ZNF609: variants seen among roughly 807,000 people sequenced by gnomAD.
The protein encoded by ZNF609 is zinc finger protein 609.
Under a neutral mutation model 109.5 loss-of-function variants are expected in ZNF609, and 11 were observed. The ratio of observed to expected loss-of-function variants is 0.10; its 90% CI spans 0.06 to 0.17. The LOEUF (loss-of-function observed/expected upper bound fraction) is 0.17, where lower values mean the gene tolerates loss of function less well. ZNF609 is among the 10% of genes least tolerant of loss of function. ZNF609 has a pLI of 1.00. For missense variants in ZNF609, 1,559 were observed against 1,772.4 expected (o/e 0.88, Z 2.16); for synonymous variants, 646 against 662.0 (o/e 0.98, Z 0.37).
intron 2 of ZNF609, among the ~76,000 whole-genome samples, chr15:64,526,688 A>C (rs773627162): frequency 6.6e-6 from 1 of 152,058 alleles, no homozygotes; most frequent in African/African-American, 2.4e-5. Flanking sequence ...ATCACAGCTT[A>C]CTGCAATGGC....
At position 64,490,583 on chromosome 15, in the gene ZNF609, T is replaced by C. The variant is rs149073805; in HGVS notation, c.-127-8710T>C. 2.0e-3 allele frequency among the ~76,000 whole-genome samples: 299 copies of C among 152,148 alleles called. 5 individuals are homozygous for C. Among genetic ancestry groups the C allele is most frequent in the Admixed American group, 0.015 (236 of 15,272 alleles). ...GCCACCGTGCCCAGCCCCCAGCTAG[T>C]AGTTTTTTTTTAATTGTTTACCTCA... is the stretch of plus-strand genomic sequence containing the variant. On this transcript the variant is annotated intron_variant, in intron 1 of 9. Transcript: ENST00000326648.
intron 2 of ZNF609, among the ~76,000 whole-genome samples, chr15:64,514,641 CTT>C (rs749141532): frequency 4.2e-5 from 6 of 144,090 alleles, no homozygotes; most frequent in South Asian, 2.2e-4. Context: ...CTAAACTATG[CTT>C]TTTTTTTTTT....
chr15:64,643,971 G>T (rs1367760455), intron 3 of ZNF609, among the ~76,000 whole-genome samples: 1 of 151,928 alleles, frequency 6.6e-6, no homozygotes, highest in African/African-American at 2.4e-5. Flanking sequence ...GGACATGGTA[G>T]TATGTACCTG....
rs144956701 is a variant in ZNF609, at chr15:64,586,679, C to T, written c.748-36148C>T. On this transcript the variant is annotated intron_variant, in intron 2 of 9. Coordinates refer to ENST00000326648, the MANE Select transcript of ZNF609 (RefSeq NM_015042.2). ...CCCCCTCTGTCTGTGGAAAAATTGT[C>T]TTCCAGGAAACTGGGCCCTGGTGCC... Among the ~76,000 whole-genome samples, 647 of 152,064 alleles carry T rather than the reference C, an allele frequency of 4.3e-3. 6 individuals carry two copies. Among genetic ancestry groups the T allele is most frequent in the African/African-American group, 0.015 (617 of 41,452 alleles).
chr15:64,566,046 C>T (rs1567016247), intron 2 of ZNF609, among the ~76,000 whole-genome samples: 1 of 152,024 alleles, frequency 6.6e-6, no homozygotes, highest in African/African-American at 2.4e-5. Context: ...AACAAGGTCT[C>T]ACTGTGTGGG....
At chr15:64,634,419 C>A (rs1896138851) in intron 3 of ZNF609, among the ~76,000 whole-genome samples, 3 of 152,162 alleles carry the variant, frequency 2.0e-5, no homozygotes, top group African/African-American at 7.2e-5. Context: ...GGCTTTTATC[C>A]TTTTCACTAA....
At chr15:64,681,457 C>T in intron 9 of ZNF609, 70 bp downstream of exon 9, 2 of 1,343,394 alleles carry the variant, frequency 1.5e-6, no homozygotes, top group Non-Finnish European at 2.1e-6. Flanking sequence ...CACAGAATCC[C>T]TAGGTGAGAA....
chr15:64,666,142 T>A (rs993300670), intron 3 of ZNF609, among the ~76,000 whole-genome samples: 3 of 150,464 alleles, frequency 2.0e-5, no homozygotes, highest in Admixed American at 1.3e-4. Context: ...TACTGTAATC[T>A]CAGCACTTTG....
chr15:64,529,111 A>T, intron 2 of ZNF609: 1 of 811,104 alleles, frequency 1.2e-6, no homozygotes, highest in Non-Finnish European at 2.1e-6. Flanking sequence ...GGGGCCATTT[A>T]TAGTCTGGGT....
intron 2 of ZNF609, among the ~76,000 whole-genome samples, chr15:64,507,108 C>T (rs1450666510): frequency 6.6e-6 from 1 of 152,082 alleles, no homozygotes; most frequent in Non-Finnish European, 1.5e-5. Context: ...TCATATGAAT[C>T]GAGCTTCTTT....
chr15:64,646,264 TGGGA>T (rs1340592873), intron 3 of ZNF609, among the ~76,000 whole-genome samples: 1 of 151,784 alleles, frequency 6.6e-6, no homozygotes, highest in Non-Finnish European at 1.5e-5. Context: ...GAGGCTGAGA[TGGGA>T]GGATCACTTG....
chr15:64,476,072 T>A (rs1203089182), intron 1 of ZNF609, among the ~76,000 whole-genome samples: 2 of 152,156 alleles, frequency 1.3e-5, no homozygotes, highest in African/African-American at 4.8e-5. Flanking sequence ...ATAGAAAACT[T>A]GCAGCAAGGG....
Position 64,592,060 on chromosome 15 carries a change from C to G in ZNF609, c.748-30767C>G, listed in dbSNP as rs565598522. Among the ~76,000 whole-genome samples, 5 of 151,724 alleles carry G rather than the reference C, an allele frequency of 3.3e-5. No individual in the cohort carries two copies. In the East Asian group the frequency reaches 9.7e-4, roughly 29 times the overall value. ...CCTGTGGTCTCAGCTACTTGGCAGA[C>G]TGAGATAGATCACTGGATCACTGGA... On this transcript the variant is annotated intron_variant, in intron 2 of 9. Coordinates refer to ENST00000326648, the MANE Select transcript of ZNF609 (RefSeq NM_015042.2).
chr15:64,651,041 T>G (rs1896408551), intron 3 of ZNF609, among the ~76,000 whole-genome samples: 1 of 152,114 alleles, frequency 6.6e-6, no homozygotes, highest in African/African-American at 2.4e-5. Flanking sequence ...TTAGTAATAG[T>G]TTTGAGGCAA....
At chr15:64,531,290 T>C (rs906133284) in intron 2 of ZNF609, among the ~76,000 whole-genome samples, 1 of 152,186 alleles carries the variant, frequency 6.6e-6, no homozygotes, top group Admixed American at 6.5e-5. Flanking sequence ...TTAATGTCAG[T>C]TATCAGCTGC....
At chr15:64,679,304 T>C (rs1474017268) in intron 6 of ZNF609, among the ~76,000 whole-genome samples, 6 of 152,210 alleles carry the variant, frequency 3.9e-5, no homozygotes, top group Admixed American at 3.9e-4. Flanking sequence ...ACTCCCGACC[T>C]CAGGTGATCC....
At chr15:64,574,363 T>A (rs190977888) in intron 2 of ZNF609, among the ~76,000 whole-genome samples, 4 of 152,144 alleles carry the variant, frequency 2.6e-5, no homozygotes, top group Non-Finnish European at 2.9e-5. Context: ...CTAGGCCTAG[T>A]ACATACATGC....
rs574832519 is a variant in ZNF609 at position 64,483,601 on chromosome 15, G to A, written c.-127-15692G>A. 2.6e-5 allele frequency among the ~76,000 whole-genome samples: 4 copies of A among 152,190 alleles called. No individual in the cohort carries two copies. In the South Asian group the frequency reaches 6.2e-4, roughly 24 times the overall value. On this transcript the variant is annotated intron_variant, in intron 1 of 9. Transcript: ENST00000326648. The stretch of plus-strand genomic sequence containing the variant: ...AGGTCTGGCTATGTTGCCCAGGCTG[G>A]TCTTGAACTCCTGAGCTCAGATGAC...
chr15:64,507,536 C>T (rs1427415129), intron 2 of ZNF609, among the ~76,000 whole-genome samples: 1 of 152,190 alleles, frequency 6.6e-6, no homozygotes, highest in African/African-American at 2.4e-5. Context: ...ATCCCCTGAC[C>T]TGCAGTGCAG....
Sources: gnomAD v4.1 joint callset for allele counts (sites outside exome capture counted in the v4.1 genomes callset) on GRCh38, gnomAD v4.1.1 for gene constraint, MANE v1.5 for transcripts, NCBI Gene and HGNC (gene_info 2026-07-23, HGNC 2026-07-21) for gene names.